The following MLLT10 variants were observed in gnomAD, a reference collection of about 807,000 sequenced individuals.
MLLT10 encodes MLLT10 histone lysine methyltransferase DOT1L cofactor.
Under a neutral mutation model 129.1 loss-of-function variants are expected in MLLT10, and 30 were observed. The observed-to-expected ratio is 0.23, with a 90% CI of 0.17 to 0.32. The LOEUF (loss-of-function observed/expected upper bound fraction) is 0.32, where lower values mean the gene tolerates loss of function less well. MLLT10 is among the 10% of genes least tolerant of loss of function. MLLT10 has a pLI of 1.00. For synonymous variants in MLLT10, 490 were observed against 446.4 expected, an observed-to-expected ratio of 1.10 and a Z score of -1.23; for missense variants, 1,119 against 1,268.3, an observed-to-expected ratio of 0.88 and a Z score of 1.79.
intron 8 of MLLT10, among the ~76,000 whole-genome samples, chr10:21,637,175 CAT>C (rs2047538953): frequency 1.3e-5 from 2 of 152,170 alleles, no homozygotes; most frequent in South Asian, 4.1e-4. Context: ...TTCATAGAAA[CAT>C]GTAGCTTAAA....
At chr10:21,564,472 T>C (rs750395758) in intron 3 of MLLT10, 5 of 152,076 alleles carry the variant, frequency 3.3e-5, no homozygotes, top group Non-Finnish European at 7.4e-5. Flanking sequence ...TTTTTTTCTT[T>C]TAATATGGAA....
chr10:21,665,305 G>C lies in MLLT10; in HGVS notation c.796-5144G>C, dbSNP rs138942406. 1.5e-5 allele frequency among the ~76,000 whole-genome samples: 2 copies of C among 136,846 alleles called. 1 individual carries two copies. The highest frequency in any genetic ancestry group is 5.0e-4 in the South Asian group (2 of 3,982). 89.8% of individuals were successfully genotyped at this position (136,846 alleles called of 152,430 possible). On this transcript the variant is annotated intron_variant, in intron 9 of 22. Transcript: ENST00000307729. ...TGTTTGTTTGTTTGTTTTTTTTGGGGGGGGGGGGGTTTCACTCTTGTTGCC... is the reference window on the plus strand; with the variant it reads ...TGTTTGTTTGTTTGTTTTTTTTGGGCGGGGGGGGGTTTCACTCTTGTTGCC...
chr10:21,688,670 A>G (rs2053532063), intron 13 of MLLT10: 2 of 638,136 alleles, frequency 3.1e-6, no homozygotes. Flanking sequence ...CCTGAAAGGA[A>G]TTATCTATAA....
chr10:21,717,599 T>TTCTTCC (rs1405221633), intron 14 of MLLT10, among the ~76,000 whole-genome samples: 5 of 124,096 alleles, frequency 4.0e-5, no homozygotes, highest in African/African-American at 1.5e-4. Context: ...TTCCTCTTCT[T>TTCTTCC]TCTTCCTCTT....
At chr10:21,645,291 G>A (rs1407349249) in intron 8 of MLLT10, among the ~76,000 whole-genome samples, 3 of 152,090 alleles carry the variant, frequency 2.0e-5, no homozygotes, top group Admixed American at 6.5e-5. Flanking sequence ...GGGATCATTT[G>A]GTTGGTTGTT....
At chr10:21,651,899 A>ATTTT (rs2049070282) in intron 9 of MLLT10, 131 bp downstream of exon 9, 7 of 186,104 alleles carry the variant, frequency 3.8e-5, no homozygotes, top group South Asian at 1.8e-4. Flanking sequence ...TAGAATTCTC[A>ATTTT]TTTCTTTTTT....
intron 5 of MLLT10, among the ~76,000 whole-genome samples, chr10:21,601,797 C>G (rs189408418): frequency 9.8e-4 from 149 of 152,244 alleles, no homozygotes; most frequent in Admixed American, 5.2e-3. Context: ...ACCTCAGCCT[C>G]CCAAAATGCT....
intron 11 of MLLT10, among the ~76,000 whole-genome samples, chr10:21,676,580 A>G (rs1332531847): frequency 6.7e-6 from 1 of 149,160 alleles, no homozygotes; most frequent in Admixed American, 6.7e-5. Flanking sequence ...AATTAGCTAG[A>G]CGTGGTGGCA....
At chr10:21,674,699 T>G (rs961625612) in intron 11 of MLLT10, among the ~76,000 whole-genome samples, 2 of 152,192 alleles carry the variant, frequency 1.3e-5, no homozygotes, top group Non-Finnish European at 1.5e-5. Context: ...CATTTATCTT[T>G]TAAATTTCAT....
rs894769141 is a variant in MLLT10 at position 21,606,640 on chromosome 10, G to A, written c.406-5708G>A. Among the ~76,000 whole-genome samples the A allele has an allele frequency of 9.9e-5, 15 of 152,198 alleles. No homozygotes were observed. In the East Asian group the frequency reaches 2.1e-3, roughly 21 times the overall value. ...AGATGTGGTGGCCAATAGCAAGAGA[G>A]CTAAAATTAGAAGTGGAGCCTGAAG... On this transcript the variant is annotated intron_variant, in intron 5 of 22. Transcript: ENST00000307729.
In MLLT10 at chr10:21,618,510, GA is replaced by G. The variant is rs1370717245; in HGVS notation, c.699+1313del. Reference sequence around the variant, plus strand: ...ACGGAGCGATACTCTTGTCTCAAAAGAAAAAAAAAATTTTTGGTTTGAGTTA... The same window carrying G: ...ACGGAGCGATACTCTTGTCTCAAAAGAAAAAAAAATTTTTGGTTTGAGTTA... On this transcript the variant is annotated intron_variant, in intron 8 of 22. Coordinates refer to ENST00000307729, the MANE Select transcript of MLLT10 (RefSeq NM_001195626.3). 8.0e-5 allele frequency among the ~76,000 whole-genome samples: 12 copies of G among 150,074 alleles called. No homozygotes were observed. In the East Asian group the frequency reaches 9.8e-4, roughly 12 times the overall value.
intron 4 of MLLT10, among the ~76,000 whole-genome samples, chr10:21,592,657 C>T (rs907920518): frequency 5.3e-5 from 8 of 152,076 alleles, no homozygotes; most frequent in South Asian, 2.1e-4. Flanking sequence ...GGTGTTTCAC[C>T]GTGTTAGCCA....
chr10:21,729,784 A>G (rs1478104696), intron 16 of MLLT10, among the ~76,000 whole-genome samples: 4 of 152,194 alleles, frequency 2.6e-5, no homozygotes, highest in Non-Finnish European at 4.4e-5. Flanking sequence ...TGGAAATTCT[A>G]AAGCTCTTTA....
intron 13 of MLLT10, among the ~76,000 whole-genome samples, chr10:21,700,232 A>G (rs1361024417): frequency 6.6e-6 from 1 of 151,596 alleles, no homozygotes; most frequent in Non-Finnish European, 1.5e-5. Flanking sequence ...TATCCTCCAA[A>G]TTTACTGAAT....
intron 11 of MLLT10, 45 bp downstream of exon 11, chr10:21,673,964 C>A (rs200608503): frequency 7.0e-7 from 1 of 1,423,478 alleles, no homozygotes; most frequent in East Asian, 2.3e-5. Context: ...CTCCCACCAC[C>A]TCCCTTCTTC....
At chr10:21,710,481 T>G (rs960457885) in intron 13 of MLLT10, among the ~76,000 whole-genome samples, 1 of 152,228 alleles carries the variant, frequency 6.6e-6, no homozygotes, top group Non-Finnish European at 1.5e-5. Flanking sequence ...ATAATAATTA[T>G]GAGCAACTGG....
At chr10:21,556,044 C>T (rs533135097) in intron 3 of MLLT10, among the ~76,000 whole-genome samples, 55 of 141,914 alleles carry the variant, frequency 3.9e-4, no homozygotes, top group African/African-American at 1.2e-3. Flanking sequence ...GGTGCGATCT[C>T]GGCTCACTGC....
chr10:21,605,294 G>A (rs1170567078), intron 5 of MLLT10, among the ~76,000 whole-genome samples: 1 of 152,078 alleles, frequency 6.6e-6, no homozygotes, highest in Non-Finnish European at 1.5e-5. Flanking sequence ...CCGCTGCCCA[G>A]CATCACAAGA....
intron 21 of MLLT10, among the ~76,000 whole-genome samples, chr10:21,735,699 CTT>C (rs1039977588): frequency 2.0e-5 from 3 of 152,024 alleles, no homozygotes; most frequent in Admixed American, 2.0e-4. Flanking sequence ...GCCTTTGTGA[CTT>C]GAGGGAACGC....
Sources: allele counts gnomAD v4.1 joint callset (sites outside exome capture counted in the v4.1 genomes callset), GRCh38; gene constraint gnomAD v4.1.1; transcripts MANE v1.5; gene names NCBI Gene and HGNC (gene_info 2026-07-23, HGNC 2026-07-21).